Variants in CRTAM observed in about 807,000 individuals in gnomAD.
CRTAM encodes the protein cytotoxic and regulatory T cell molecule.
In CRTAM, 44 loss-of-function variants were observed where a neutral mutation model predicts 50.0. The observed-to-expected ratio is 0.88, with a 90% CI of 0.69 to 1.13. The LOEUF (loss-of-function observed/expected upper bound fraction) is 1.13, where lower values mean the gene tolerates loss of function less well. Among genes scored for constraint, CRTAM ranks in the 50% most tolerant of loss-of-function variants. The pLI, the probability that CRTAM is intolerant of heterozygous loss-of-function variation, is 0.00. For synonymous variants in CRTAM, 159 were observed against 169.3 expected (o/e 0.94, Z 0.47); for missense variants, 448 against 457.5 (o/e 0.98, Z 0.19).
Position 122,854,087 on chromosome 11 carries a change from G to A in CRTAM, c.490+1G>A. On this transcript the variant is annotated splice_donor_variant, in intron 4 of 9. Coordinates refer to ENST00000227348, the MANE Select transcript of CRTAM (RefSeq NM_019604.4). LOFTEE classifies it high-confidence loss of function. ...CTTGGGAATAGCATGGAAGTGTCCG[G>A]TAAGGGGAGAAATGGTTCTCTTTGT... The A allele has an allele frequency of 1.2e-6, 2 of 1,609,724 alleles. No homozygotes were observed. Among genetic ancestry groups the A allele is most frequent in the Non-Finnish European group, 1.7e-6 (2 of 1,178,666 alleles).
intron 4 of CRTAM, 149 bp from the exon 5 acceptor site, chr11:122,855,546 A>G (rs1184245624): frequency 5.1e-6 from 3 of 584,774 alleles, no homozygotes; most frequent in South Asian, 5.7e-5. Flanking sequence ...CTTTGTGACC[A>G]GAACCAAGCC....
At chr11:122,865,999 T>C (rs142134538) in intron 7 of CRTAM, among the ~76,000 whole-genome samples, 1 of 152,290 alleles carries the variant, frequency 6.6e-6, no homozygotes, top group Non-Finnish European at 1.5e-5. Flanking sequence ...TTTCTCCTCC[T>C]CTGGTTCACT....
At chr11:122,863,321 A>AAAAGAAAGAAAG (rs137934573) in intron 6 of CRTAM, among the ~76,000 whole-genome samples, 129 of 103,648 alleles carry the variant, frequency 1.2e-3, no homozygotes, top group East Asian at 8.2e-3. Flanking sequence ...GAAAGAAAGA[A>AAAAGAAAGAAAG]AAAGAAAGAA....
chr11:122,871,392 T>C lies in CRTAM; in HGVS notation c.1175T>C (p.Ile392Thr). Residue 392 changes from isoleucine (I) to threonine (T), a missense_variant, in exon 10 of 10, where the codon ATT becomes ACT. By Grantham distance (89) the Ile-to-Thr change is moderately conservative (BLOSUM62 -1). Transcript: ENST00000227348. Reference sequence around the variant, plus strand: ...AAGCACATCCAAGTACCAGAGAGTATTGTGTAGTGCTCTCTGCAATGGAAC... The same window carrying C: ...AAGCACATCCAAGTACCAGAGAGTACTGTGTAGTGCTCTCTGCAATGGAAC... ...EEKHIQVPES[I>T]V 1 of 1,613,012 alleles carries C rather than the reference T, an allele frequency of 6.2e-7. No individual in the cohort carries two copies. The highest frequency in any genetic ancestry group is 8.5e-7 in the Non-Finnish European group (1 of 1,179,552).
chr11:122,849,315 T>TGGG (rs1861901788), intron 1 of CRTAM, among the ~76,000 whole-genome samples: 1 of 152,260 alleles, frequency 6.6e-6, no homozygotes, highest in Non-Finnish European at 1.5e-5. Context: ...AACACGGCCT[T>TGGG]TGCCATCCAC....
At chr11:122,866,859 T>A (rs1469844553) in intron 7 of CRTAM, among the ~76,000 whole-genome samples, 2 of 151,846 alleles carry the variant, frequency 1.3e-5, no homozygotes, top group Admixed American at 1.3e-4. Flanking sequence ...AACCCTCCCA[T>A]CCCAGCCTCC....
intron 3 of CRTAM, among the ~76,000 whole-genome samples, chr11:122,852,967 A>G (rs1408744194): frequency 6.6e-6 from 1 of 152,182 alleles, no homozygotes; most frequent in Non-Finnish European, 1.5e-5. Flanking sequence ...ACTGAAGTGG[A>G]AGTAGAATGG....
At chr11:122,844,968 G>A (rs1386961292) in intron 1 of CRTAM, among the ~76,000 whole-genome samples, 1 of 152,184 alleles carries the variant, frequency 6.6e-6, no homozygotes, top group Non-Finnish European at 1.5e-5. Flanking sequence ...AAGAGTTTGT[G>A]TTGTACTTGT....
rs371958656 is a variant in CRTAM at position 122,861,592 on chromosome 11, A to G, written c.653-872A>G. ...CTGGGATTACAAACACACACACACC[A>G]CCACGCCCGGCTAGTTTTTTGTATT... On this transcript the variant is annotated intron_variant, in intron 5 of 9. Coordinates refer to ENST00000227348, the MANE Select transcript of CRTAM (RefSeq NM_019604.4). Among the ~76,000 whole-genome samples, 24 of 150,836 alleles carry G rather than the reference A, an allele frequency of 1.6e-4. No individual in the cohort carries two copies. The East Asian group carries it at 3.1e-3, about 20-fold the overall frequency.
chr11:122,853,785 T>C (rs1861966047), intron 3 of CRTAM, among the ~76,000 whole-genome samples, 158 bp from the exon 4 acceptor site: 1 of 151,808 alleles, frequency 6.6e-6, no homozygotes. Context: ...GCCACTGCAC[T>C]CCAGCCTGGG....
chr11:122,843,224 A>C (rs1861821365), intron 1 of CRTAM, among the ~76,000 whole-genome samples: 1 of 152,194 alleles, frequency 6.6e-6, no homozygotes, highest in African/African-American at 2.4e-5. Flanking sequence ...CTGATAGGAC[A>C]ATTAGTTCAT....
At chr11:122,845,898 C>T (rs1227449344) in intron 1 of CRTAM, among the ~76,000 whole-genome samples, 1 of 151,966 alleles carries the variant, frequency 6.6e-6, no homozygotes, top group Non-Finnish European at 1.5e-5. Context: ...TTATGTTTCC[C>T]AGGCTGGTCT....
In CRTAM at chr11:122,846,541, G is replaced by A. The variant is rs145375999; in HGVS notation, c.47-3527G>A. Reference sequence around the variant, plus strand: ...TGACCTCAGGTGATCTGCTCACTTCGGCCTCCCAAAGTACTGGAATACAGG... The same window carrying A: ...TGACCTCAGGTGATCTGCTCACTTCAGCCTCCCAAAGTACTGGAATACAGG... On this transcript the variant is annotated intron_variant, in intron 1 of 9. Transcript: ENST00000227348. Among the ~76,000 whole-genome samples, 542 of 152,124 alleles carry A rather than the reference G, an allele frequency of 3.6e-3. 6 individuals are homozygous for A. The highest frequency in any genetic ancestry group is 4.5e-3 in the Non-Finnish European group (309 of 67,984).
intron 1 of CRTAM, among the ~76,000 whole-genome samples, chr11:122,841,007 G>T (rs2370793): frequency 0.21 from 31,932 of 152,032 alleles, 3,600 homozygotes; most frequent in Middle Eastern, 0.32. Flanking sequence ...AGGGTAGGAT[G>T]CAGAAAACAA....
chr11:122,868,029 A>T lies in CRTAM; in HGVS notation c.981A>T (p.Glu327Asp). The T allele has an allele frequency of 6.2e-7, 1 of 1,611,450 alleles. No homozygotes were observed. The highest frequency in any genetic ancestry group is 8.5e-7 in the Non-Finnish European group (1 of 1,178,394). Reference sequence around the variant, plus strand: ...TTTTTGTAGAAAACGAAGTTTCAGAACACACACTAGAAAGTTACAGATCAA... The same window carrying T: ...TTTTTGTAGAAAACGAAGTTTCAGATCACACACTAGAAAGTTACAGATCAA... ...VIWKKENEVS[E>D]HTLESYRSRS... Residue 327 changes from glutamate to aspartate, a missense_variant, in exon 9 of 10, where the codon GAA (glutamate) becomes GAT (aspartate). Glu to Asp is a conservative substitution (Grantham distance 45, BLOSUM62 2). Transcript: ENST00000227348.
chr11:122,862,434 T>C lies in CRTAM; in HGVS notation c.653-30T>C, dbSNP rs1221138356. The C allele has an allele frequency of 3.6e-6, 5 of 1,407,878 alleles. No homozygotes were observed. In the Admixed American group the frequency reaches 8.4e-5, roughly 24 times the overall value. 87.2% of individuals were successfully genotyped at this position (1,407,878 alleles called of 1,614,324 possible). A position where few individuals can be genotyped will look rare whatever the true frequency, so the allele number is the denominator to read the frequency against. ...ATGTGGGTAAAACTGCTCTCTATAG[T>C]AGCAGAATTTTGTTTTTCCCCTTTC... On this transcript the variant is annotated intron_variant, in intron 5 of 9. Transcript: ENST00000227348.
At chr11:122,868,236 G>A in intron 9 of CRTAM, 137 bp downstream of exon 9, 1 of 544,994 alleles carries the variant, frequency 1.8e-6, no homozygotes, top group South Asian at 2.5e-5. Context: ...GTGTGTGTGT[G>A]TATGAGGTGG....
chr11:122,864,993 C>T (rs1862150417), intron 7 of CRTAM, among the ~76,000 whole-genome samples: 1 of 151,980 alleles, frequency 6.6e-6, no homozygotes, highest in Non-Finnish European at 1.5e-5. Flanking sequence ...GTATGTACTT[C>T]TGATTTTACT....
chr11:122,865,907 T>G (rs1255882872), intron 7 of CRTAM, among the ~76,000 whole-genome samples: 1 of 152,212 alleles, frequency 6.6e-6, no homozygotes, highest in African/African-American at 2.4e-5. Context: ...GAGTCTTGTC[T>G]TTCAGGTATT....
Sources: gnomAD v4.1 joint callset for allele counts (sites outside exome capture counted in the v4.1 genomes callset) on GRCh38, gnomAD v4.1.1 for gene constraint, MANE v1.5 for transcripts, NCBI Gene and HGNC (gene_info 2026-07-23, HGNC 2026-07-21) for gene names.